The following MOB3B variants were observed in gnomAD, a reference collection of about 807,000 sequenced individuals.
The protein encoded by MOB3B is MOB kinase activator-like 2B.
Under a neutral mutation model 18.7 loss-of-function variants are expected in MOB3B, and 7 were observed. The ratio of observed to expected loss-of-function variants is 0.37; its 90% confidence interval spans 0.21 to 0.70. MOB3B has a LOEUF of 0.70. MOB3B is among the 30% of genes least tolerant of loss of function. MOB3B has a pLI of 0.52. For synonymous variants in MOB3B, 111 were observed against 99.9 expected, an observed-to-expected ratio of 1.11 and a Z score of -0.66; for missense variants, 253 against 281.3, an observed-to-expected ratio of 0.90 and a Z score of 0.72.
At chr9:27,517,647 C>CAAAAAAAAAAA (rs756559270) in intron 1 of MOB3B, among the ~76,000 whole-genome samples, 1 of 54,272 alleles carries the variant, frequency 1.8e-5, no homozygotes, top group Non-Finnish European at 3.0e-5. Context: ...GACTCTGTCT[C>CAAAAAAAAAAA]AAAAAAAAAA....
intron 2 of MOB3B, among the ~76,000 whole-genome samples, chr9:27,423,177 A>G (rs537354788): frequency 1.3e-5 from 2 of 152,316 alleles, no homozygotes; most frequent in African/African-American, 2.4e-5. Context: ...CAGTCATTTT[A>G]CTACATTGGG....
At chr9:27,418,564 C>G (rs1822191852) in intron 2 of MOB3B, among the ~76,000 whole-genome samples, 2 of 152,000 alleles carry the variant, frequency 1.3e-5, no homozygotes. Context: ...TACACATAAA[C>G]AGAATTAAAA....
chr9:27,524,179 A>T (rs13289359), intron 1 of MOB3B: 5 of 408,332 alleles, frequency 1.2e-5, no homozygotes, highest in Non-Finnish European at 1.6e-5. Flanking sequence ...AAAGCCTCAG[A>T]GGCAAAGGAA....
At chr9:27,343,408 C>T (rs983570559) in intron 3 of MOB3B, among the ~76,000 whole-genome samples, 21 of 149,880 alleles carry the variant, frequency 1.4e-4, no homozygotes, top group African/African-American at 5.3e-4. Flanking sequence ...CTGACCTTCC[C>T]TCCACTATTG....
At chr9:27,434,868 A>C (rs62541571) in intron 2 of MOB3B, among the ~76,000 whole-genome samples, 26,816 of 152,066 alleles carry the variant, frequency 0.18, 2,641 homozygotes, top group Middle Eastern at 0.27. Flanking sequence ...GGGCTCAGGA[A>C]AAACCACCCC....
intron 1 of MOB3B, among the ~76,000 whole-genome samples, chr9:27,471,769 T>C (rs1415780482): frequency 6.6e-6 from 1 of 152,238 alleles, no homozygotes; most frequent in African/African-American, 2.4e-5. Flanking sequence ...AACTTACTCA[T>C]ATACATATGT....
intron 1 of MOB3B, among the ~76,000 whole-genome samples, chr9:27,516,593 G>A (rs528543320): frequency 6.6e-6 from 1 of 152,146 alleles, no homozygotes; most frequent in Non-Finnish European, 1.5e-5. Context: ...GGGCAAAGAT[G>A]CAGAGACAAA....
At chr9:27,473,000 T>C (rs1819496678) in intron 1 of MOB3B, among the ~76,000 whole-genome samples, 2 of 152,226 alleles carry the variant, frequency 1.3e-5, no homozygotes, top group African/African-American at 2.4e-5. Context: ...TTGCAAACAT[T>C]TATGTTTTAA....
chr9:27,519,293 G>A (rs1208830033), intron 1 of MOB3B, among the ~76,000 whole-genome samples: 1 of 152,180 alleles, frequency 6.6e-6, no homozygotes, highest in East Asian at 1.9e-4. Context: ...TCTCACAGGC[G>A]AGGTCTGGTG....
At chr9:27,424,375 T>C (rs1477389050) in intron 2 of MOB3B, among the ~76,000 whole-genome samples, 2 of 152,180 alleles carry the variant, frequency 1.3e-5, no homozygotes, top group Admixed American at 1.3e-4. Flanking sequence ...GAATAATGTG[T>C]ATGAGGCTCA....
At chr9:27,373,267 C>A (rs1821447741) in intron 2 of MOB3B, among the ~76,000 whole-genome samples, 1 of 152,298 alleles carries the variant, frequency 6.6e-6, no homozygotes, top group Admixed American at 6.5e-5. Flanking sequence ...GTGAAGCTGG[C>A]CCTGTCTCTG....
At chr9:27,428,044 G>C (rs999891906) in intron 2 of MOB3B, among the ~76,000 whole-genome samples, 1 of 152,118 alleles carries the variant, frequency 6.6e-6, no homozygotes, top group Non-Finnish European at 1.5e-5. Flanking sequence ...TACCTCCTGG[G>C]TCACACTTTA....
intron 2 of MOB3B, among the ~76,000 whole-genome samples, chr9:27,414,324 TA>T (rs1822115414): frequency 6.6e-6 from 1 of 152,192 alleles, no homozygotes. Context: ...ACCATCTGTC[TA>T]AAGCCACAAG....
At chr9:27,444,604 GTTA>G (rs1307493817) in intron 2 of MOB3B, among the ~76,000 whole-genome samples, 1 of 152,130 alleles carries the variant, frequency 6.6e-6, no homozygotes, top group Non-Finnish European at 1.5e-5. Context: ...TTGTTTTTAA[GTTA>G]TTATGTTTTT....
At chr9:27,332,177 T>C (rs763439565) in intron 3 of MOB3B, among the ~76,000 whole-genome samples, 2 of 152,070 alleles carry the variant, frequency 1.3e-5, no homozygotes, top group African/African-American at 4.8e-5. Context: ...GTTTGTTGTA[T>C]AGACAGGATT....
intron 2 of MOB3B, among the ~76,000 whole-genome samples, chr9:27,395,011 C>G (rs1821779269): frequency 6.6e-6 from 1 of 152,038 alleles, no homozygotes; most frequent in Non-Finnish European, 1.5e-5. Context: ...GATGAGAGGT[C>G]CAGGCACAGA....
intron 2 of MOB3B, among the ~76,000 whole-genome samples, chr9:27,389,828 C>T (rs1188230449): frequency 6.6e-6 from 1 of 152,060 alleles, no homozygotes; most frequent in Non-Finnish European, 1.5e-5. Flanking sequence ...CATACAGCTC[C>T]CATTTCCAGC....
At chr9:27,419,271 A>C (rs980011585) in intron 2 of MOB3B, among the ~76,000 whole-genome samples, 1 of 152,156 alleles carries the variant, frequency 6.6e-6, no homozygotes, top group East Asian at 1.9e-4. Flanking sequence ...CCATCAAGAT[A>C]CCACCATCAT....
intron 2 of MOB3B, among the ~76,000 whole-genome samples, chr9:27,363,367 C>A (rs1172905536): frequency 6.6e-6 from 1 of 152,160 alleles, no homozygotes; most frequent in Non-Finnish European, 1.5e-5. Flanking sequence ...CTCCCAGGTT[C>A]ATGCCATTCT....
Sources: gnomAD v4.1 joint callset for allele counts (sites outside exome capture counted in the v4.1 genomes callset) on GRCh38, gnomAD v4.1.1 for gene constraint, MANE v1.5 for transcripts, NCBI Gene and HGNC (gene_info 2026-07-23, HGNC 2026-07-21) for gene names.